The following MMP16 variants were observed in gnomAD, a reference collection of about 807,000 sequenced individuals.
MMP16 encodes the protein matrix metalloproteinase-16.
Under a neutral mutation model 67.8 loss-of-function variants are expected in MMP16, and 12 were observed. That is an observed-to-expected ratio of 0.18 (90% CI 0.11 to 0.29). The LOEUF is 0.29. MMP16 is among the 10% of genes least tolerant of loss of function. The probability of loss-of-function intolerance (pLI) is 1.00; values close to 1 mark genes in which losing one functional copy is unlikely to be tolerated. For missense variants in MMP16, 475 were observed against 765.7 expected, an observed-to-expected ratio of 0.62 and a Z score of 4.48; for synonymous variants, 249 against 255.9, an observed-to-expected ratio of 0.97 and a Z score of 0.26.
At chr8:88,321,568 A>T (rs1811460603) in intron 1 of MMP16, among the ~76,000 whole-genome samples, 1 of 152,194 alleles carries the variant, frequency 6.6e-6, no homozygotes, top group African/African-American at 2.4e-5. Context: ...CATCCTTTGG[A>T]ACTACAGATG....
rs554138783 is a variant in MMP16 at position 88,109,674 on chromosome 8, T to C, written c.1083+6833A>G. Among the ~76,000 whole-genome samples the C allele has an allele frequency of 1.0e-3, 155 of 151,428 alleles. No individual in the cohort carries two copies. The Middle Eastern group carries it at 0.014, about 13-fold the overall frequency. ...AATAAAATACTTTCCATGTGCACTA[T>C]ACATCTTGAAACGAAACTTTGCTTA... On this transcript the variant is annotated intron_variant, in intron 6 of 9. Coordinates refer to ENST00000286614, the MANE Select transcript of MMP16 (RefSeq NM_005941.5).
intron 4 of MMP16, among the ~76,000 whole-genome samples, chr8:88,142,353 T>C (rs1009843062): frequency 6.6e-6 from 1 of 152,150 alleles, no homozygotes; most frequent in Non-Finnish European, 1.5e-5. Context: ...ATTTTAAAGC[T>C]ATATATTAGT....
chr8:88,292,435 G>A lies in MMP16; in HGVS notation c.132+34640C>T, dbSNP rs146797641. On this transcript the variant is annotated intron_variant, in intron 1 of 9. Transcript: ENST00000286614. ...CTTAACCCGTGTGAACACCAGGTGA[G>A]GGGCCCTCGCCACTAGGTGCAGCTA... Among the ~76,000 whole-genome samples, 365 of 152,262 alleles carry A rather than the reference G, an allele frequency of 2.4e-3. 2 individuals are homozygous for A. In the Middle Eastern group the frequency reaches 0.027, roughly 11 times the overall value.
intron 4 of MMP16, among the ~76,000 whole-genome samples, chr8:88,146,753 G>A (rs1357811395): frequency 6.6e-6 from 1 of 151,396 alleles, no homozygotes; most frequent in Non-Finnish European, 1.5e-5. Flanking sequence ...CTAACGTACA[G>A]GGGCAAGGCT....
At chr8:88,169,481 G>A (rs1000311223) in intron 3 of MMP16, among the ~76,000 whole-genome samples, 5 of 152,140 alleles carry the variant, frequency 3.3e-5, no homozygotes, top group Non-Finnish European at 7.4e-5. Flanking sequence ...AAGTGGCAGA[G>A]CTGGGTTTTC....
chr8:88,146,039 T>C (rs534777444), intron 4 of MMP16, among the ~76,000 whole-genome samples: 1 of 152,040 alleles, frequency 6.6e-6, no homozygotes, highest in Non-Finnish European at 1.5e-5. Flanking sequence ...ATTTTTAATA[T>C]CATCTTTCCC....
chr8:88,270,654 A>G (rs918036261), intron 1 of MMP16, among the ~76,000 whole-genome samples: 4 of 152,206 alleles, frequency 2.6e-5, no homozygotes, highest in African/African-American at 9.6e-5. Flanking sequence ...GAGCCTATAT[A>G]AAGTCTTTGG....
intron 1 of MMP16, among the ~76,000 whole-genome samples, chr8:88,230,163 A>C (rs1809835750): frequency 6.6e-6 from 1 of 152,092 alleles, no homozygotes; most frequent in South Asian, 2.1e-4. Flanking sequence ...TAGAATCAAC[A>C]GAGACAGGAC....
At chr8:88,259,635 AG>A (rs1281859250) in intron 1 of MMP16, among the ~76,000 whole-genome samples, 3 of 152,294 alleles carry the variant, frequency 2.0e-5, no homozygotes, top group Non-Finnish European at 1.5e-5. Context: ...AGAAAGAGAA[AG>A]GGAAGAGGAA....
At chr8:88,283,275 T>C (rs1216694096) in intron 1 of MMP16, among the ~76,000 whole-genome samples, 1 of 152,204 alleles carries the variant, frequency 6.6e-6, no homozygotes, top group Non-Finnish European at 1.5e-5. Flanking sequence ...CTTTTCTTTC[T>C]TGTTTTCCTT....
chr8:88,139,922 T>A (rs888155052), intron 4 of MMP16, among the ~76,000 whole-genome samples: 1 of 152,196 alleles, frequency 6.6e-6, no homozygotes, highest in African/African-American at 2.4e-5. Flanking sequence ...TTTTCTTTTT[T>A]TAGAAAGCTA....
rs1036259023 is a variant in MMP16, at chr8:88,109,901, T to G, written c.1083+6606A>C. Reference sequence around the variant, plus strand: ...AAATTGAACCACAATTAATATAATTTCAGAAAACATTTTTGCATGATTATA... The same window carrying G: ...AAATTGAACCACAATTAATATAATTGCAGAAAACATTTTTGCATGATTATA... On this transcript the variant is annotated intron_variant, in intron 6 of 9. Coordinates refer to ENST00000286614, the MANE Select transcript of MMP16 (RefSeq NM_005941.5). 3.3e-4 allele frequency among the ~76,000 whole-genome samples: 50 copies of G among 151,346 alleles called. 1 individual carries two copies. The highest frequency in any genetic ancestry group is 3.4e-3 in the Middle Eastern group (1 of 290).
intron 4 of MMP16, among the ~76,000 whole-genome samples, chr8:88,136,494 G>C (rs1808121107): frequency 6.6e-6 from 1 of 151,618 alleles, no homozygotes; most frequent in African/African-American, 2.4e-5. Flanking sequence ...TCAAGAAATT[G>C]AATGTTACTG....
chr8:88,261,580 C>A (rs1046791226), intron 1 of MMP16, among the ~76,000 whole-genome samples: 1 of 152,000 alleles, frequency 6.6e-6, no homozygotes, highest in Non-Finnish European at 1.5e-5. Flanking sequence ...TAAAACTCCT[C>A]CCCTTCAGAC....
At chr8:88,295,909 G>A (rs928085211) in intron 1 of MMP16, among the ~76,000 whole-genome samples, 1 of 152,022 alleles carries the variant, frequency 6.6e-6, no homozygotes, top group African/African-American at 2.4e-5. Context: ...CTAACAATAA[G>A]TGAAACAGTG....
chr8:88,043,508 C>T (rs1388849989), intron 9 of MMP16, among the ~76,000 whole-genome samples: 2 of 152,100 alleles, frequency 1.3e-5, no homozygotes, highest in Non-Finnish European at 2.9e-5. Context: ...GTCTCAAACT[C>T]CCGACCTCGG....
At chr8:88,259,665 C>T (rs1810357045) in intron 1 of MMP16, among the ~76,000 whole-genome samples, 1 of 152,012 alleles carries the variant, frequency 6.6e-6, no homozygotes, top group South Asian at 2.1e-4. Context: ...GGAAGGGATT[C>T]CCAACCATTA....
intron 4 of MMP16, among the ~76,000 whole-genome samples, chr8:88,130,126 G>C (rs931586078): frequency 1.3e-5 from 2 of 151,698 alleles, no homozygotes; most frequent in African/African-American, 4.8e-5. Flanking sequence ...TGTAAAGTTT[G>C]GCTTGATAAA....
At chr8:88,214,698 C>T (rs1809561564) in intron 1 of MMP16, among the ~76,000 whole-genome samples, 1 of 152,148 alleles carries the variant, frequency 6.6e-6, no homozygotes, top group Non-Finnish European at 1.5e-5. Context: ...TGCTTATTAA[C>T]TATAGTTATC....
Sources: gnomAD v4.1 joint callset for allele counts (sites outside exome capture counted in the v4.1 genomes callset) on GRCh38, gnomAD v4.1.1 for gene constraint, MANE v1.5 for transcripts, NCBI Gene and HGNC (gene_info 2026-07-23, HGNC 2026-07-21) for gene names.